The following FAM149A variants were observed in gnomAD, a reference collection of about 807,000 sequenced individuals.
The protein encoded by FAM149A is family with sequence similarity 149 member A.
A neutral mutation model predicts 78.2 loss-of-function variants in FAM149A; 71 were observed. The ratio of observed to expected loss-of-function variants is 0.91; its 90% confidence interval spans 0.75 to 1.11. The LOEUF is 1.11. Among genes scored for constraint, FAM149A ranks in the 50% least tolerant of loss-of-function variants. FAM149A has a pLI of 0.00. For missense variants in FAM149A, 1,036 were observed against 971.0 expected, an observed-to-expected ratio of 1.07 and a Z score of -0.89; for synonymous variants, 446 against 410.5, an observed-to-expected ratio of 1.09 and a Z score of -1.04.
chr4:186,159,537 A>G (rs1378406668), intron 8 of FAM149A, among the ~76,000 whole-genome samples: 1 of 152,128 alleles, frequency 6.6e-6, no homozygotes, highest in African/African-American at 2.4e-5. Context: ...GAGAGGCCTG[A>G]GAGGAGTATT....
chr4:186,149,203 C>T lies in FAM149A; in HGVS notation c.597C>T (p.His199=), dbSNP rs186857942. The T allele has an allele frequency of 9.3e-6, 12 of 1,288,520 alleles. No individual in the cohort carries two copies. Among genetic ancestry groups the T allele is most frequent in the South Asian group, 6.2e-5 (5 of 80,730 alleles). 79.8% of individuals were successfully genotyped at this position (1,288,520 alleles called of 1,614,324 possible). ...GACTGTCAGAAGGACGTAGAAGGCA[C>T]GGTTTTACTGTGAGGAGCAAAGATT... Residue 199 remains histidine, a synonymous_variant, in exon 2 of 14, where the codon CAC becomes CAT. Coordinates refer to ENST00000389354, the MANE Select transcript of FAM149A (RefSeq NM_001367768.3).
At chr4:186,162,308 AGAG>A (rs1248891485) in intron 8 of FAM149A, among the ~76,000 whole-genome samples, 3 of 152,208 alleles carry the variant, frequency 2.0e-5, no homozygotes, top group African/African-American at 4.8e-5. Flanking sequence ...GCAAGTGTGG[AGAG>A]GAGGAGAGGA....
rs186132046 is a variant in FAM149A at position 186,125,443 on chromosome 4, G to A, written c.566+19801G>A. The A allele has an allele frequency of 1.5e-5, 10 of 668,282 alleles. No individual in the cohort carries two copies. The East Asian group carries it at 1.1e-3, about 72-fold the overall frequency. 41.4% of individuals were successfully genotyped at this position (668,282 alleles called of 1,614,324 possible). The stretch of plus-strand genomic sequence containing the variant: ...AAACACAGTAATGACGCTGCCTCTC[G>A]GGAGCTGATCAGAGCACGCTGGGAA... On this transcript the variant is annotated intron_variant, in intron 1 of 13. Coordinates refer to ENST00000389354, the MANE Select transcript of FAM149A (RefSeq NM_001367768.3).
chr4:186,159,821 G>A (rs1398998682), intron 8 of FAM149A, among the ~76,000 whole-genome samples: 3 of 145,774 alleles, frequency 2.1e-5, no homozygotes, highest in African/African-American at 2.5e-5. Context: ...CCCACCTTGT[G>A]GGGGGAGCAG....
chr4:186,152,872 G>C lies in FAM149A; in HGVS notation c.933-773G>C, dbSNP rs991992241. Among the ~76,000 whole-genome samples, 27 of 152,136 alleles carry C rather than the reference G, an allele frequency of 1.8e-4. No individual in the cohort carries two copies. In the East Asian group the frequency reaches 5.2e-3, roughly 29 times the overall value. On this transcript the variant is annotated intron_variant, in intron 4 of 13. Transcript: ENST00000389354. ...GGCAAGCTTATCTTTCAGTCACTCA[G>C]CCAACGTACTGGGGGACAGTTTATC...
chr4:186,157,777 G>C (rs1246599436), intron 8 of FAM149A, 58 bp downstream of exon 8: 3 of 1,573,300 alleles, frequency 1.9e-6, no homozygotes, highest in Non-Finnish European at 2.6e-6. Flanking sequence ...TGTCACCTCA[G>C]TTTGTCGTTC....
At chr4:186,139,271 C>T (rs1315878823) in intron 1 of FAM149A, among the ~76,000 whole-genome samples, 1 of 152,078 alleles carries the variant, frequency 6.6e-6, no homozygotes, top group Non-Finnish European at 1.5e-5. Context: ...GCCCCCAAAT[C>T]GGCCACTCCT....
intron 7 of FAM149A, among the ~76,000 whole-genome samples, chr4:186,156,931 C>T (rs1213065109): frequency 6.2e-5 from 4 of 64,370 alleles, no homozygotes; most frequent in African/African-American, 1.5e-4. Context: ...AGCACTCCAT[C>T]CTGGGCAACA....
chr4:186,125,379 A>G (rs927876840), intron 1 of FAM149A: 11 of 967,048 alleles, frequency 1.1e-5, no homozygotes, highest in Non-Finnish European at 1.2e-5. Flanking sequence ...TCTCTTGATG[A>G]TAGCCACTGC....
At chr4:186,167,511 CAAAAAAAAAAA>C in intron 13 of FAM149A, 1 of 278,830 alleles carries the variant, frequency 3.6e-6, no homozygotes, top group East Asian at 7.8e-5. Flanking sequence ...GGGCCTCACT[CAAAAAAAAAAA>C]AAAAAAAAAA....
At chr4:186,122,825 G>A (rs6829476) in intron 1 of FAM149A, 111,173 of 628,496 alleles carry the variant, frequency 0.18, 11,788 homozygotes, top group East Asian at 0.47. Flanking sequence ...AAGATCGTAA[G>A]TAAATTCTTG....
rs1164162917 is a variant in FAM149A, at chr4:186,169,847, C to CT, written c.2219-2065dup. 4.1e-6 allele frequency: 4 copies of CT among 985,302 alleles called. No individual in the cohort carries two copies. The African/African-American group carries it at 7.0e-5, about 17-fold the overall frequency. 61.0% of individuals were successfully genotyped at this position (985,302 alleles called of 1,614,324 possible). On this transcript the variant is annotated intron_variant, in intron 13 of 13. Coordinates refer to ENST00000389354, the MANE Select transcript of FAM149A (RefSeq NM_001367768.3). ...GCCAGTCATCTGCGCCTCACTGCCT[C>CT]TTAACTACTGACCCAAGACAAAAGA... is the stretch of plus-strand genomic sequence containing the variant.
rs1387534539 is a variant in FAM149A at position 186,144,800 on chromosome 4, G to A, written c.567-4373G>A. The A allele has an allele frequency of 2.0e-6, 2 of 982,324 alleles. No homozygotes were observed. The highest frequency in any genetic ancestry group is 2.4e-6 in the Non-Finnish European group (2 of 827,536). The allele number at this position is 982,324 out of a possible 1,614,324, so 60.9% of individuals were successfully genotyped here. On this transcript the variant is annotated intron_variant, in intron 1 of 13. Coordinates refer to ENST00000389354, the MANE Select transcript of FAM149A (RefSeq NM_001367768.3). This position sits in a 1 kb window ranked among gnomAD's most constrained non-coding sequence, Gnocchi z 4.2. Reference sequence around the variant, plus strand: ...GGATTAGCTGGCGGGCGAGGGCGCAGCGCAGGGAGGAGGAGGGGAGGCGGC... The same window carrying A: ...GGATTAGCTGGCGGGCGAGGGCGCAACGCAGGGAGGAGGAGGGGAGGCGGC...
At chr4:186,143,898 G>A (rs1427040025) in intron 1 of FAM149A, among the ~76,000 whole-genome samples, 1 of 152,122 alleles carries the variant, frequency 6.6e-6, no homozygotes, top group East Asian at 1.9e-4. Flanking sequence ...AATAAACTGG[G>A]CTTTTTAGTA....
At chr4:186,124,034 CT>C in intron 1 of FAM149A, 5 of 983,344 alleles carry the variant, frequency 5.1e-6, no homozygotes, top group Non-Finnish European at 6.0e-6. Flanking sequence ...CAATGAGAAA[CT>C]TGGTAGTGGG....
chr4:186,158,796 TC>T, intron 8 of FAM149A: 1 of 1,019,308 alleles, frequency 9.8e-7, no homozygotes, highest in Non-Finnish European at 1.2e-6. Context: ...GTTCTGCAGC[TC>T]CCAATGCTCA....
At position 186,167,398 on chromosome 4, in the gene FAM149A, G is replaced by A. The variant is rs747275443; in HGVS notation, c.2218+136G>A. ...GAATAGCAAATGTTTGGGGCCTGTG[G>A]CCTGACCTCAGAAACCTCGATCACA... On this transcript the variant is annotated intron_variant, in intron 13 of 13. Transcript: ENST00000389354. 5.9e-6 allele frequency: 5 copies of A among 853,042 alleles called. No individual in the cohort carries two copies. In the East Asian group the frequency reaches 7.7e-5, roughly 13 times the overall value. The allele number at this position is 853,042 out of a possible 1,614,324, so 52.8% of individuals were successfully genotyped here.
chr4:186,145,034 T>C, intron 1 of FAM149A: 1 of 981,378 alleles, frequency 1.0e-6, no homozygotes, highest in Non-Finnish European at 1.2e-6. Flanking sequence ...GCGCGGTGCC[T>C]CTGCCTGACG....
At chr4:186,158,530 G>C in intron 8 of FAM149A, 1 of 964,254 alleles carries the variant, frequency 1.0e-6, no homozygotes, top group East Asian at 1.3e-4. Flanking sequence ...GCAGCCTGCT[G>C]CTGATGCAGC....
Sources: allele counts gnomAD v4.1 joint callset (sites outside exome capture counted in the v4.1 genomes callset), GRCh38; gene constraint gnomAD v4.1.1; non-coding constraint Gnocchi (gnomAD v3.1); transcripts MANE v1.5; gene names NCBI Gene and HGNC (gene_info 2026-07-23, HGNC 2026-07-21).